The following FARS2 variants were observed in gnomAD, a reference collection of about 807,000 sequenced individuals.
FARS2 encodes the protein phenylalanine--tRNA ligase, mitochondrial.
In FARS2, 40 loss-of-function variants were observed where a neutral mutation model predicts 46.4. The ratio of observed to expected loss-of-function variants is 0.86; its 90% CI spans 0.67 to 1.12. The LOEUF is 1.12. FARS2 is among the 50% of genes most tolerant of loss of function. The pLI is 0.00. For synonymous variants in FARS2, 234 were observed against 214.9 expected, an observed-to-expected ratio of 1.09 and a Z score of -0.78; for missense variants, 513 against 567.9, an observed-to-expected ratio of 0.90 and a Z score of 0.98.
intron 2 of FARS2, among the ~76,000 whole-genome samples, chr6:5,373,300 A>G (rs1444779931): frequency 6.6e-6 from 1 of 152,128 alleles, no homozygotes; most frequent in Non-Finnish European, 1.5e-5. Context: ...TCTACCTCAC[A>G]CTAAATCTTC....
intron 1 of FARS2, among the ~76,000 whole-genome samples, chr6:5,337,063 A>C (rs1581814556): frequency 7.1e-6 from 1 of 140,754 alleles, no homozygotes. Context: ...AGTAAATATC[A>C]CTTCTTTTTT....
chr6:5,399,997 G>C (rs1198957937), intron 2 of FARS2, among the ~76,000 whole-genome samples: 1 of 152,138 alleles, frequency 6.6e-6, no homozygotes, highest in African/African-American at 2.4e-5. Flanking sequence ...TGGAAGGACT[G>C]GGTCAAGAGA....
chr6:5,391,608 T>C (rs1156630393), intron 2 of FARS2, among the ~76,000 whole-genome samples: 4 of 152,126 alleles, frequency 2.6e-5, no homozygotes, highest in Non-Finnish European at 2.9e-5. Flanking sequence ...ATGACTACTT[T>C]GGGAGCCACA....
At chr6:5,695,458 C>T (rs1450475749) in intron 6 of FARS2, among the ~76,000 whole-genome samples, 2 of 152,250 alleles carry the variant, frequency 1.3e-5, no homozygotes, top group Admixed American at 6.5e-5. Context: ...TTTAAAATCT[C>T]AGGGAAGTAA....
At chr6:5,315,761 T>TCTTTCTTCCTTTCTTTCTTTCTTTC (rs1561952069) in intron 1 of FARS2, among the ~76,000 whole-genome samples, 4 of 132,638 alleles carry the variant, frequency 3.0e-5, no homozygotes, top group South Asian at 2.3e-4. Context: ...TTTCTTTCTT[T>TCTTTCTTCCTTTCTTTCTTTCTTTC]TTTTTGGGGA....
intron 4 of FARS2, among the ~76,000 whole-genome samples, chr6:5,504,437 T>TAAAAAAAAAAA (rs143444280): frequency 7.9e-6 from 1 of 126,474 alleles, no homozygotes; most frequent in Non-Finnish European, 1.7e-5. Context: ...TGCTTTCCAG[T>TAAAAAAAAAAA]AAAAAAAAAA....
chr6:5,407,628 T>C (rs1761691004), intron 3 of FARS2, among the ~76,000 whole-genome samples: 1 of 152,086 alleles, frequency 6.6e-6, no homozygotes, highest in South Asian at 2.1e-4. Flanking sequence ...TAAAGTTAAA[T>C]ATGACAAAAT....
chr6:5,523,261 A>G (rs1408088724), intron 4 of FARS2, among the ~76,000 whole-genome samples: 1 of 152,138 alleles, frequency 6.6e-6, no homozygotes, highest in Non-Finnish European at 1.5e-5. Flanking sequence ...TCAGCTCAGA[A>G]CACCTGCACG....
At chr6:5,269,766 ATC>A (rs1765814684) in intron 1 of FARS2, among the ~76,000 whole-genome samples, 1 of 152,180 alleles carries the variant, frequency 6.6e-6, no homozygotes, top group South Asian at 2.1e-4. Flanking sequence ...ATGTTAACTG[ATC>A]TCTCAGAGGA....
chr6:5,278,935 G>A (rs1347073666), intron 1 of FARS2, among the ~76,000 whole-genome samples: 1 of 152,224 alleles, frequency 6.6e-6, no homozygotes, highest in Non-Finnish European at 1.5e-5. Flanking sequence ...CAACAAGACA[G>A]GTGGCTTCAG....
chr6:5,484,849 A>T (rs1184573882), intron 4 of FARS2, among the ~76,000 whole-genome samples: 1 of 152,174 alleles, frequency 6.6e-6, no homozygotes, highest in African/African-American at 2.4e-5. Context: ...GTGCAGCTGA[A>T]GGCCAGGCAG....
chr6:5,303,035 A>G (rs1040997753), intron 1 of FARS2, among the ~76,000 whole-genome samples: 2 of 152,294 alleles, frequency 1.3e-5, no homozygotes, highest in South Asian at 2.1e-4. Flanking sequence ...CCTTATAATG[A>G]TCCTGTGGTG....
intron 6 of FARS2, among the ~76,000 whole-genome samples, chr6:5,686,775 A>G (rs899910846): frequency 6.6e-6 from 1 of 152,276 alleles, no homozygotes; most frequent in East Asian, 1.9e-4. Context: ...AGGAATTGCC[A>G]CACTGACTTC....
chr6:5,588,079 C>T (rs1773714596), intron 5 of FARS2, among the ~76,000 whole-genome samples: 1 of 151,984 alleles, frequency 6.6e-6, no homozygotes, highest in East Asian at 1.9e-4. Context: ...GACAGCTAGG[C>T]CTCTTCATAA....
chr6:5,523,200 C>G (rs997147468), intron 4 of FARS2, among the ~76,000 whole-genome samples: 5 of 152,188 alleles, frequency 3.3e-5, no homozygotes, highest in African/African-American at 7.2e-5. Flanking sequence ...CCAGTCCAGT[C>G]TAATGGCAAA....
chr6:5,360,310 G>C (rs1378686643), intron 1 of FARS2, among the ~76,000 whole-genome samples: 5 of 152,102 alleles, frequency 3.3e-5, no homozygotes, highest in African/African-American at 1.2e-4. Flanking sequence ...TTCATTCATG[G>C]AAGAAGCAGT....
intron 4 of FARS2, among the ~76,000 whole-genome samples, chr6:5,506,951 G>A (rs1292757985): frequency 1.3e-5 from 2 of 152,166 alleles, no homozygotes; most frequent in South Asian, 4.1e-4. Context: ...CTGGATACAT[G>A]TCTACTGTAA....
At position 5,545,255 on chromosome 6, in the gene FARS2, C is replaced by G. The variant is rs1770895531; in HGVS notation, c.980C>G (p.Pro327Arg). 1 of 1,613,952 alleles carries G rather than the reference C, an allele frequency of 6.2e-7. No individual in the cohort carries two copies. ...ERLAMILYDI[P>R]DIRLFWCEDE... ...CTAGCCATGATCCTCTACGACATCC[C>G]TGATATCCGTCTCTTCTGGTGTGAG... Residue 327 changes from proline (P) to arginine (R), a missense_variant, in exon 5 of 7, where the codon CCT becomes CGT. Transcript: ENST00000274680.
chr6:5,410,958 G>C (rs1761911817), intron 3 of FARS2, among the ~76,000 whole-genome samples: 1 of 152,144 alleles, frequency 6.6e-6, no homozygotes, highest in Non-Finnish European at 1.5e-5. Flanking sequence ...AAAAATCACA[G>C]GGCTGGTAAG....
Sources: allele counts gnomAD v4.1 joint callset (sites outside exome capture counted in the v4.1 genomes callset), GRCh38; gene constraint gnomAD v4.1.1; transcripts MANE v1.5; gene names NCBI Gene and HGNC (gene_info 2026-07-23, HGNC 2026-07-21).